The following RORA variants were observed in gnomAD, a reference collection of about 807,000 sequenced individuals.
RORA encodes the protein RAR related orphan receptor A, also known as nuclear receptor ROR-alpha.
Under a neutral mutation model 69.5 loss-of-function variants are expected in RORA, and 7 were observed. The ratio of observed to expected loss-of-function variants is 0.10; its 90% CI spans 0.06 to 0.19. The LOEUF (loss-of-function observed/expected upper bound fraction) is 0.19. Among genes scored for constraint, RORA ranks in the 10% least tolerant of loss-of-function variants. The pLI is 1.00. For synonymous variants in RORA, 261 were observed against 240.8 expected (o/e 1.08, Z -0.78); for missense variants, 457 against 663.0 (o/e 0.69, Z 3.41).
chr15:60,571,797 C>T (rs773996510), intron 2 of RORA, among the ~76,000 whole-genome samples: 34 of 152,160 alleles, frequency 2.2e-4, no homozygotes, highest in Non-Finnish European at 3.4e-4. Context: ...TCACCTTCTA[C>T]GATGAAAATT....
intron 2 of RORA, chr15:60,548,013 G>A (rs1031671060): frequency 5.3e-5 from 8 of 152,002 alleles, no homozygotes; most frequent in African/African-American, 2.4e-5. Context: ...GTTCAATTAG[G>A]GCAGACTTTG....
At chr15:60,793,756 G>T (rs1308313305) in intron 1 of RORA, among the ~76,000 whole-genome samples, 1 of 152,168 alleles carries the variant, frequency 6.6e-6, no homozygotes, top group Non-Finnish European at 1.5e-5. Flanking sequence ...GAGCTTTCTG[G>T]TGATTTGCCA....
At chr15:61,034,213 A>G (rs374497995) in intron 1 of RORA, among the ~76,000 whole-genome samples, 1 of 152,174 alleles carries the variant, frequency 6.6e-6, no homozygotes, top group Non-Finnish European at 1.5e-5. Flanking sequence ...AATTGCAGCT[A>G]TATAAAATCC....
chr15:60,526,058 C>T (rs2066344000), intron 3 of RORA, among the ~76,000 whole-genome samples: 1 of 152,124 alleles, frequency 6.6e-6, no homozygotes, highest in Non-Finnish European at 1.5e-5. Context: ...CTCAAAGAAG[C>T]ATATGAGGAA....
intron 1 of RORA, among the ~76,000 whole-genome samples, chr15:60,950,854 C>T (rs1893072321): frequency 7.5e-6 from 1 of 133,968 alleles, no homozygotes; most frequent in Admixed American, 7.7e-5. Context: ...ACTTTAACAC[C>T]CCACTGTCAA....
chr15:60,736,184 C>T (rs968858259), intron 1 of RORA, among the ~76,000 whole-genome samples: 11 of 152,140 alleles, frequency 7.2e-5, no homozygotes, highest in Admixed American at 4.6e-4. Context: ...TCAGTCTTCT[C>T]CTTTTTTTCC....
At chr15:60,902,125 A>G (rs1891409834) in intron 1 of RORA, among the ~76,000 whole-genome samples, 3 of 152,218 alleles carry the variant, frequency 2.0e-5, no homozygotes, top group Middle Eastern at 6.8e-3. Context: ...TTGTTTTAAT[A>G]CAGTTCTAAC....
At position 61,102,891 on chromosome 15, in the gene RORA, C is replaced by A. The variant is rs375903231; in HGVS notation, c.166+126162G>T. Reference sequence around the variant, plus strand: ...TAAAGAGGACCAACAGAGGCTTTTCCAAGCCCCAGCAAGAAACTCCAGTAC... The same window carrying A: ...TAAAGAGGACCAACAGAGGCTTTTCAAAGCCCCAGCAAGAAACTCCAGTAC... On this transcript the variant is annotated intron_variant, in intron 1 of 10. Transcript: ENST00000335670. 1.7e-3 allele frequency among the ~76,000 whole-genome samples: 248 copies of A among 149,328 alleles called. 3 individuals carry two copies. The highest frequency in any genetic ancestry group is 0.01 in the Middle Eastern group (3 of 294).
chr15:60,497,547 T>C lies in RORA; in HGVS notation c.1480A>G (p.Ile494Val). Reference sequence around the variant, plus strand: ...TGAAGTCGCACAATGTCTGGGTATATTGCTTTAAATGCCATTAGCTTTTCT... The same window carrying C: ...TGAAGTCGCACAATGTCTGGGTATACTGCTTTAAATGCCATTAGCTTTTCT... ...HTEKLMAFKA[I>V]YPDIVRLHFP... is the part of the protein sequence containing the mutation. Residue 494 changes from isoleucine to valine, a missense_variant, in exon 11 of 11, where the codon ATA becomes GTA. Ile to Val is a conservative substitution (Grantham distance 29). Transcript: ENST00000335670. 1 of 1,613,390 alleles carries C rather than the reference T, an allele frequency of 6.2e-7. No homozygotes were observed. The highest frequency in any genetic ancestry group is 8.5e-7 in the Non-Finnish European group (1 of 1,179,290).
chr15:60,876,242 C>T (rs556820291), intron 1 of RORA, among the ~76,000 whole-genome samples: 2 of 149,884 alleles, frequency 1.3e-5, no homozygotes, highest in African/African-American at 2.5e-5. Context: ...TGGTCTCCCC[C>T]AACCAAAAAA....
At chr15:61,052,599 C>T (rs1019832926) in intron 1 of RORA, among the ~76,000 whole-genome samples, 1 of 152,200 alleles carries the variant, frequency 6.6e-6, no homozygotes, top group East Asian at 1.9e-4. Flanking sequence ...AGATCAAAGA[C>T]AGCCTGTTTC....
intron 1 of RORA, among the ~76,000 whole-genome samples, chr15:60,802,270 C>G (rs2072593766): frequency 6.6e-6 from 1 of 152,224 alleles, no homozygotes; most frequent in South Asian, 2.1e-4. Context: ...AATAGCAATT[C>G]CCAACTCATG....
intron 1 of RORA, among the ~76,000 whole-genome samples, chr15:60,787,291 G>C (rs535865805): frequency 6.6e-5 from 10 of 152,284 alleles, no homozygotes; most frequent in African/African-American, 2.4e-4. Flanking sequence ...GCATGCACGC[G>C]ATTCAACAAT....
chr15:60,866,801 C>A (rs56343922), intron 1 of RORA, among the ~76,000 whole-genome samples: 9,140 of 148,584 alleles, frequency 0.062, 379 homozygotes, highest in Non-Finnish European at 0.097. Context: ...TCTGGGTGTT[C>A]CTGAGTTGTA....
rs540912389 is a variant in RORA at position 60,909,023 on chromosome 15, C to T, written c.167-230337G>A. Among the ~76,000 whole-genome samples, 77 of 152,230 alleles carry T rather than the reference C, an allele frequency of 5.1e-4. No homozygotes were observed. The East Asian group carries it at 0.014, about 28-fold the overall frequency. ...TCATTATTACCTCCAGAGAGAGACA[C>T]CCAGGGATCTGCTCACACCACCCAT... On this transcript the variant is annotated intron_variant, in intron 1 of 10. Transcript: ENST00000335670.
intron 1 of RORA, among the ~76,000 whole-genome samples, chr15:60,885,420 T>C (rs1300728652): frequency 6.6e-6 from 1 of 152,214 alleles, no homozygotes; most frequent in Non-Finnish European, 1.5e-5. Flanking sequence ...TGCAGTTGAA[T>C]ACCAACAAGT....
chr15:60,853,565 T>C (rs1035211863), intron 1 of RORA, among the ~76,000 whole-genome samples: 2 of 151,998 alleles, frequency 1.3e-5, no homozygotes, highest in Non-Finnish European at 2.9e-5. Context: ...AAGGAGAAAA[T>C]AGCGATTAAA....
intron 1 of RORA, among the ~76,000 whole-genome samples, chr15:60,988,829 A>C (rs1894286858): frequency 6.6e-6 from 1 of 151,920 alleles, no homozygotes; most frequent in Non-Finnish European, 1.5e-5. Context: ...TGTGCACCCC[A>C]CTCCCCATTT....
intron 1 of RORA, among the ~76,000 whole-genome samples, chr15:61,216,368 T>G (rs556513146): frequency 6.6e-6 from 1 of 152,328 alleles, no homozygotes; most frequent in South Asian, 2.1e-4. Context: ...TTTAGAGTAT[T>G]GCTTGCAAAG....
Sources: gnomAD v4.1 joint callset for allele counts (sites outside exome capture counted in the v4.1 genomes callset) on GRCh38, gnomAD v4.1.1 for gene constraint, MANE v1.5 for transcripts, NCBI Gene and HGNC (gene_info 2026-07-23, HGNC 2026-07-21) for gene names.